ELOVL2: variants seen among roughly 807,000 people sequenced by gnomAD.
The protein encoded by ELOVL2 is ELOVL fatty acid elongase 2.
Under a neutral mutation model 37.7 loss-of-function variants are expected in ELOVL2, and 38 were observed. That is an observed-to-expected ratio of 1.01 (90% CI 0.78 to 1.32). The LOEUF is 1.32. ELOVL2 is among the 40% of genes most tolerant of loss of function. The pLI, the probability that ELOVL2 is intolerant of heterozygous loss-of-function variation, is 0.00. For synonymous variants in ELOVL2, 115 were observed against 122.3 expected (o/e 0.94, Z 0.40); for missense variants, 352 against 363.6 (o/e 0.97, Z 0.26).
At chr6:11,038,734 A>C (rs976745744) in intron 1 of ELOVL2, among the ~76,000 whole-genome samples, 1 of 152,224 alleles carries the variant, frequency 6.6e-6, no homozygotes, top group Non-Finnish European at 1.5e-5. Context: ...AAGTGTAAAT[A>C]TGCTGTAGGA....
At chr6:11,016,198 T>C (rs748533826) in intron 1 of ELOVL2, among the ~76,000 whole-genome samples, 9 of 152,234 alleles carry the variant, frequency 5.9e-5, no homozygotes, top group Admixed American at 1.3e-4. Flanking sequence ...ATTTACGTTT[T>C]AGGCATTTTC....
chr6:10,983,755 A>C lies in ELOVL2; in HGVS notation c.*26T>G. ...AAACAAGCCAATCTGTTAGGCTAGT[A>C]TATGTGCTTTTTCTGTTACTCATTT... On this transcript the variant is annotated 3_prime_UTR_variant, in exon 8 of 8. Coordinates refer to ENST00000354666, the MANE Select transcript of ELOVL2 (RefSeq NM_017770.4). 6.3e-7 allele frequency: 1 copy of C among 1,592,538 alleles called. No homozygotes were observed. The highest frequency in any genetic ancestry group is 8.5e-7 in the Non-Finnish European group (1 of 1,171,132).
intron 1 of ELOVL2, among the ~76,000 whole-genome samples, chr6:11,019,952 C>A (rs1016288501): frequency 9.2e-5 from 14 of 152,164 alleles, no homozygotes; most frequent in Non-Finnish European, 1.9e-4. Context: ...CCATGTTGGC[C>A]AAGCCGGTTT....
chr6:11,025,400 G>A (rs779483017), intron 1 of ELOVL2, among the ~76,000 whole-genome samples: 2 of 152,142 alleles, frequency 1.3e-5, no homozygotes, highest in Non-Finnish European at 2.9e-5. Context: ...AATGAACTGG[G>A]CAGACAGAAC....
In ELOVL2 at chr6:10,983,638, A is replaced by T. The variant is rs772993968; in HGVS notation, c.*143T>A. 3.1e-5 allele frequency: 28 copies of T among 895,728 alleles called. No homozygotes were observed. Among genetic ancestry groups the T allele is most frequent in the Non-Finnish European group, 4.4e-5 (27 of 612,614 alleles). The allele number at this position is 895,728 out of a possible 1,614,324, so 55.5% of individuals were successfully genotyped here. A position where few individuals can be genotyped will look rare whatever the true frequency, so the allele number is the denominator to read the frequency against. The stretch of plus-strand genomic sequence containing the variant: ...GTTAACAGATTAACCTAATAGCAAT[A>T]TATTAATACATTCTGGGTACAAATG... On this transcript the variant is annotated 3_prime_UTR_variant, in exon 8 of 8. Transcript: ENST00000354666.
chr6:11,001,062 C>A (rs369480859), intron 3 of ELOVL2, among the ~76,000 whole-genome samples: 1 of 152,138 alleles, frequency 6.6e-6, no homozygotes, highest in Non-Finnish European at 1.5e-5. Context: ...GAAAGGCCTA[C>A]GATTTAATAT....
At chr6:10,991,841 C>G (rs1782165362) in intron 5 of ELOVL2, among the ~76,000 whole-genome samples, 1 of 152,174 alleles carries the variant, frequency 6.6e-6, no homozygotes, top group African/African-American at 2.4e-5. Flanking sequence ...ATGTTTGACT[C>G]CTGTGGAAAT....
intron 5 of ELOVL2, among the ~76,000 whole-genome samples, chr6:10,991,011 G>A (rs753927839): frequency 2.0e-5 from 3 of 152,176 alleles, no homozygotes; most frequent in East Asian, 1.9e-4. Context: ...ACTGGCCAGC[G>A]AGACCTTCCC....
chr6:11,026,263 A>C (rs1234823252), intron 1 of ELOVL2, among the ~76,000 whole-genome samples: 5 of 152,206 alleles, frequency 3.3e-5, no homozygotes, highest in Admixed American at 6.5e-5. Flanking sequence ...GTATTAGAAA[A>C]GTTAAAGAAG....
intron 3 of ELOVL2, among the ~76,000 whole-genome samples, chr6:11,000,583 T>C (rs1380675549): frequency 1.3e-5 from 2 of 152,244 alleles, no homozygotes; most frequent in Non-Finnish European, 2.9e-5. Context: ...TTTTTAAAAA[T>C]ACATATATTG....
At chr6:11,022,338 G>A (rs1001858498) in intron 1 of ELOVL2, among the ~76,000 whole-genome samples, 3 of 152,186 alleles carry the variant, frequency 2.0e-5, no homozygotes, top group African/African-American at 7.2e-5. Context: ...GCAGGCAGCC[G>A]GCACTCCACA....
At chr6:10,988,221 A>T (rs77387837) in intron 7 of ELOVL2, among the ~76,000 whole-genome samples, 2,511 of 152,364 alleles carry the variant, frequency 0.016, 57 homozygotes, top group African/African-American at 0.057. Flanking sequence ...TCAGAAATAC[A>T]AGACCTGAAA....
intron 7 of ELOVL2, among the ~76,000 whole-genome samples, chr6:10,988,317 C>T (rs1400603856): frequency 1.3e-5 from 2 of 152,264 alleles, no homozygotes; most frequent in African/African-American, 4.8e-5. Flanking sequence ...GTAATCCCAG[C>T]ACTCTGGGAG....
In ELOVL2 at chr6:10,982,689, A is replaced by G. The variant is rs954128858; in HGVS notation, c.*1092T>C. ...AAACTGGCATTTTTTATCGTGGCTC[A>G]TGACCGGCCCACGGCTCAGTGCTGG... On this transcript the variant is annotated 3_prime_UTR_variant, in exon 8 of 8. Transcript: ENST00000354666. 6.6e-6 allele frequency: 1 copy of G among 152,230 alleles called. No individual in the cohort carries two copies. Among genetic ancestry groups the G allele is most frequent in the South Asian group, 2.1e-4 (1 of 4,832 alleles). The allele number at this position is 152,230 out of a possible 1,614,324, so 9.4% of individuals were successfully genotyped here.
At chr6:11,020,614 G>A (rs1413741056) in intron 1 of ELOVL2, among the ~76,000 whole-genome samples, 1 of 152,102 alleles carries the variant, frequency 6.6e-6, no homozygotes, top group East Asian at 1.9e-4. Flanking sequence ...ATACCTCAGA[G>A]GAATAAGATG....
chr6:10,994,320 T>C (rs1782224425), intron 5 of ELOVL2, among the ~76,000 whole-genome samples: 1 of 151,578 alleles, frequency 6.6e-6, no homozygotes, highest in South Asian at 2.1e-4. Context: ...TACAAAAAAT[T>C]AGCTGGGCGT....
chr6:11,009,630 C>T (rs372796341), intron 2 of ELOVL2, among the ~76,000 whole-genome samples: 2 of 152,054 alleles, frequency 1.3e-5, no homozygotes, highest in East Asian at 1.9e-4. Flanking sequence ...GGGAATAGCA[C>T]GTAAAAGAAT....
chr6:10,990,144 A>G (rs1377950466), intron 6 of ELOVL2, among the ~76,000 whole-genome samples, 174 bp downstream of exon 6: 1 of 151,972 alleles, frequency 6.6e-6, no homozygotes, highest in Non-Finnish European at 1.5e-5. Flanking sequence ...TTATAAGCTA[A>G]TAGCATGCAC....
chr6:11,003,465 C>G (rs930972915), intron 3 of ELOVL2, among the ~76,000 whole-genome samples: 1 of 152,206 alleles, frequency 6.6e-6, no homozygotes, highest in African/African-American at 2.4e-5. Flanking sequence ...TCATCTATGT[C>G]CCTGCAAAGG....
Sources: gnomAD v4.1 joint callset for allele counts (sites outside exome capture counted in the v4.1 genomes callset) on GRCh38, gnomAD v4.1.1 for gene constraint, MANE v1.5 for transcripts, NCBI Gene and HGNC (gene_info 2026-07-23, HGNC 2026-07-21) for gene names.